The following SV2B variants were observed in gnomAD, a reference collection of about 807,000 sequenced individuals.
SV2B encodes the protein solute carrier family 22 member B2.
Under a neutral mutation model 73.9 loss-of-function variants are expected in SV2B, and 41 were observed. The observed-to-expected ratio is 0.56, with a 90% CI of 0.43 to 0.72. The LOEUF is 0.72. Ranked by LOEUF, SV2B falls within the 30% of genes least tolerant of loss-of-function variation. SV2B has a pLI of 0.00. For missense variants in SV2B, 764 were observed against 857.8 expected (o/e 0.89, Z 1.37); for synonymous variants, 314 against 314.2 (o/e 1.00, Z 0.01).
chr15:91,203,859 CCT>C (rs369612090), intron 1 of SV2B, among the ~76,000 whole-genome samples: 1 of 151,728 alleles, frequency 6.6e-6, no homozygotes, highest in Non-Finnish European at 1.5e-5. Flanking sequence ...CCCCTCTCTC[CCT>C]CTCTCTCTCT....
intron 1 of SV2B, among the ~76,000 whole-genome samples, chr15:91,180,941 T>C (rs531044643): frequency 6.6e-6 from 1 of 152,386 alleles, no homozygotes; most frequent in South Asian, 2.1e-4. Context: ...GGTGAGGAAC[T>C]GCGTTCCTTT....
At chr15:91,208,046 G>A (rs1039939480) in intron 1 of SV2B, among the ~76,000 whole-genome samples, 27 of 152,150 alleles carry the variant, frequency 1.8e-4, no homozygotes, top group Non-Finnish European at 4.0e-4. Flanking sequence ...AAGGCAGAGA[G>A]GCCTTCCTAC....
chr15:91,116,864 A>C (rs1040932292), intron 1 of SV2B, among the ~76,000 whole-genome samples: 1 of 152,246 alleles, frequency 6.6e-6, no homozygotes, highest in African/African-American at 2.4e-5. Context: ...CATGTCTTAC[A>C]TGGCGGCAGG....
intron 2 of SV2B, among the ~76,000 whole-genome samples, chr15:91,235,994 C>T (rs1468464881): frequency 2.0e-5 from 3 of 152,260 alleles, no homozygotes; most frequent in African/African-American, 4.8e-5. Context: ...TGCTAACTGC[C>T]GTAACTACTT....
chr15:91,230,076 C>T (rs2046516784), intron 2 of SV2B, among the ~76,000 whole-genome samples: 1 of 151,830 alleles, frequency 6.6e-6, no homozygotes, highest in Non-Finnish European at 1.5e-5. Flanking sequence ...CCCGTGTCTA[C>T]AAAATACAAA....
In SV2B at chr15:91,226,130, C is replaced by G. The variant is rs1038177257; in HGVS notation, c.-134C>G. Reference sequence around the variant, plus strand: ...AGGGGGGGGGAACCAGTGTGACTTTCACCTAAGAAGTCACATGAACATATT... The same window carrying G: ...AGGGGGGGGGAACCAGTGTGACTTTGACCTAAGAAGTCACATGAACATATT... On this transcript the variant is annotated 5_prime_UTR_variant, in exon 2 of 13. Transcript: ENST00000394232. 9.5e-6 allele frequency: 8 copies of G among 845,682 alleles called. No homozygotes were observed. The highest frequency in any genetic ancestry group is 1.4e-5 in the Non-Finnish European group (8 of 552,560). 52.4% of individuals were successfully genotyped at this position (845,682 alleles called of 1,614,324 possible).
rs568911742 is a variant in SV2B, at chr15:91,297,050, G to A, written c.*4498G>A. 2.6e-4 allele frequency: 38 copies of A among 148,260 alleles called. No individual in the cohort carries two copies. The Middle Eastern group carries it at 0.012, about 48-fold the overall frequency. 9.2% of individuals were successfully genotyped at this position (148,260 alleles called of 1,614,324 possible). ...CGCTTCTTCTGCCTGATCGTTGGGC[G>A]CACGCTCCTTCTGCCTGATCGTTGG... On this transcript the variant is annotated 3_prime_UTR_variant, in exon 13 of 13. Coordinates refer to ENST00000394232, the MANE Select transcript of SV2B (RefSeq NM_001323032.3). The surrounding 1 kb of genome is among the most constrained non-coding windows in gnomAD (Gnocchi z 5.1).
intron 9 of SV2B, among the ~76,000 whole-genome samples, chr15:91,275,392 C>G (rs1474859156): frequency 6.6e-6 from 1 of 152,188 alleles, no homozygotes; most frequent in East Asian, 1.9e-4. Flanking sequence ...AAGAGCCTTA[C>G]AACAGAACAC....
rs139532121 is a variant in SV2B, at chr15:91,227,959, G to A, written c.451+1245G>A. 1.3e-5 allele frequency among the ~76,000 whole-genome samples: 2 copies of A among 152,308 alleles called. No individual in the cohort carries two copies. The highest frequency in any genetic ancestry group is 1.9e-4 in the East Asian group (1 of 5,188). On this transcript the variant is annotated intron_variant, in intron 2 of 12. Coordinates refer to ENST00000394232, the MANE Select transcript of SV2B (RefSeq NM_001323032.3). The surrounding 1 kb of genome is among the most constrained non-coding windows in gnomAD (Gnocchi z 4.5). ...ACTCTGTCACTGTAGCACAATAGCA[G>A]CTTTGAACAACACGTAAACAAATGG...
chr15:91,181,330 C>CTTGGGGG (rs1445402207), intron 1 of SV2B, among the ~76,000 whole-genome samples: 8 of 151,922 alleles, frequency 5.3e-5, no homozygotes, highest in Admixed American at 4.6e-4. Flanking sequence ...AGTTAGGCTG[C>CTTGGGGG]TCGGGGGTCA....
chr15:91,176,543 C>G (rs952885273), intron 1 of SV2B, among the ~76,000 whole-genome samples: 1 of 152,330 alleles, frequency 6.6e-6, no homozygotes, highest in Admixed American at 6.5e-5. Flanking sequence ...CACATCCTCT[C>G]CAGTCCCTGT....
chr15:91,205,464 C>G (rs2045601451), intron 1 of SV2B, among the ~76,000 whole-genome samples: 1 of 151,642 alleles, frequency 6.6e-6, no homozygotes, highest in Admixed American at 6.6e-5. Flanking sequence ...CTCCTGAGTT[C>G]AAGTGATTTT....
chr15:91,187,286 T>C (rs1376833813), intron 1 of SV2B, among the ~76,000 whole-genome samples: 1 of 152,262 alleles, frequency 6.6e-6, no homozygotes, highest in Non-Finnish European at 1.5e-5. Flanking sequence ...AGTAGATTTA[T>C]TGCATGAGTA....
In SV2B at chr15:91,106,667, T is replaced by C. The variant is rs1037125216; in HGVS notation, c.-392+6304T>C. Among the ~76,000 whole-genome samples, 4 of 152,224 alleles carry C rather than the reference T, an allele frequency of 2.6e-5. No individual in the cohort carries two copies. The highest frequency in any genetic ancestry group is 9.6e-5 in the African/African-American group (4 of 41,456). Reference sequence around the variant, plus strand: ...CAAGTGGAAACCAAAAAATAGCTCATATTTTCAAAAAATGAGAAAAGATCC... The same window carrying C: ...CAAGTGGAAACCAAAAAATAGCTCACATTTTCAAAAAATGAGAAAAGATCC... On this transcript the variant is annotated intron_variant, in intron 1 of 12. Transcript: ENST00000394232. This position sits in a 1 kb window ranked among gnomAD's most constrained non-coding sequence, Gnocchi z 4.4.
intron 1 of SV2B, among the ~76,000 whole-genome samples, chr15:91,219,875 C>G (rs2046160098): frequency 6.6e-6 from 1 of 152,230 alleles, no homozygotes; most frequent in African/African-American, 2.4e-5. Flanking sequence ...TAAATGGAAT[C>G]ATACAACACG....
At chr15:91,158,683 T>G (rs1256966289) in intron 1 of SV2B, among the ~76,000 whole-genome samples, 1 of 61,560 alleles carries the variant, frequency 1.6e-5, no homozygotes, top group Non-Finnish European at 3.3e-5. Context: ...TCTCTTCTCT[T>G]CTCTTCTCTT....
At chr15:91,215,006 C>T (rs554688372) in intron 1 of SV2B, among the ~76,000 whole-genome samples, 5 of 152,308 alleles carry the variant, frequency 3.3e-5, no homozygotes, top group African/African-American at 7.2e-5. Flanking sequence ...GCAGGGTAAA[C>T]GGCCTTCGCA....
chr15:91,151,171 T>C (rs2043304003), intron 1 of SV2B, among the ~76,000 whole-genome samples: 1 of 152,184 alleles, frequency 6.6e-6, no homozygotes, highest in African/African-American at 2.4e-5. Context: ...CCTGTGTGTC[T>C]ATTCACAAAA....
rs1286623301 is a variant in SV2B at position 91,141,448 on chromosome 15, G to A, written c.-392+41085G>A. Reference sequence around the variant, plus strand: ...TCCAGGTGATAAGTGAGTTCATTGAGGTATCCTGGTCAAGGGTGGAGAGAG... The same window carrying A: ...TCCAGGTGATAAGTGAGTTCATTGAAGTATCCTGGTCAAGGGTGGAGAGAG... On this transcript the variant is annotated intron_variant, in intron 1 of 12. Transcript: ENST00000394232. The surrounding 1 kb of genome is among the most constrained non-coding windows in gnomAD (Gnocchi z 4.6). 1.3e-5 allele frequency among the ~76,000 whole-genome samples: 2 copies of A among 152,154 alleles called. No individual in the cohort carries two copies. Among genetic ancestry groups the A allele is most frequent in the African/African-American group, 4.8e-5 (2 of 41,440 alleles).
Sources: gnomAD v4.1 joint callset for allele counts (sites outside exome capture counted in the v4.1 genomes callset) on GRCh38, gnomAD v4.1.1 for gene constraint, Gnocchi (gnomAD v3.1) non-coding constraint, MANE v1.5 for transcripts, NCBI Gene and HGNC (gene_info 2026-07-23, HGNC 2026-07-21) for gene names.